Variants in ITPR1 observed in about 807,000 individuals in gnomAD.
The protein encoded by ITPR1 is inositol 1,4,5-trisphosphate receptor type 1, also known as inositol 1,4,5-trisphosphate-gated calcium channel ITPR1.
A neutral mutation model predicts 318.4 loss-of-function variants in ITPR1; 96 were observed. The ratio of observed to expected loss-of-function variants is 0.30; its 90% CI spans 0.26 to 0.36. The LOEUF is 0.36. Ranked by LOEUF, ITPR1 falls within the 10% of genes least tolerant of loss-of-function variation. The pLI, the probability that ITPR1 is intolerant of heterozygous loss-of-function variation, is 1.00. For missense variants in ITPR1, 2,440 were observed against 3,460.2 expected, an observed-to-expected ratio of 0.71 and a Z score of 7.40; for synonymous variants, 1,312 against 1,289.9, an observed-to-expected ratio of 1.02 and a Z score of -0.37.
intron 52 of ITPR1, among the ~76,000 whole-genome samples, chr3:4,788,836 A>G (rs935137288): frequency 1.3e-5 from 2 of 152,122 alleles, no homozygotes; most frequent in African/African-American, 4.8e-5. Flanking sequence ...CTATCTGTTC[A>G]TCAGGAGCCA....
intron 2 of ITPR1, among the ~76,000 whole-genome samples, chr3:4,508,982 A>C (rs2081600053): frequency 6.6e-6 from 1 of 152,230 alleles, no homozygotes; most frequent in African/African-American, 2.4e-5. Context: ...ACATTCATCA[A>C]GTAGAGGAAT....
chr3:4,650,819 A>AG (rs1216874295), intron 10 of ITPR1, among the ~76,000 whole-genome samples: 2 of 152,168 alleles, frequency 1.3e-5, no homozygotes, highest in African/African-American at 4.8e-5. Flanking sequence ...ATTGTCTGAC[A>AG]GGTCCTGCGT....
chr3:4,599,884 C>T (rs1321695458), intron 4 of ITPR1, among the ~76,000 whole-genome samples: 3 of 152,128 alleles, frequency 2.0e-5, no homozygotes, highest in Non-Finnish European at 2.9e-5. Context: ...TCAGTTTTGA[C>T]GTATGTATGA....
At chr3:4,641,116 T>A (rs7613276) in intron 6 of ITPR1, among the ~76,000 whole-genome samples, 124,188 of 152,172 alleles carry the variant, frequency 0.82, 51,468 homozygotes, top group East Asian at 1. Flanking sequence ...ATGGAGTCTT[T>A]TGCTGGTTGT....
rs147765006 is a variant in ITPR1 at position 4,534,407 on chromosome 3, C to G, written c.163+13313C>G. 1.4e-3 allele frequency among the ~76,000 whole-genome samples: 220 copies of G among 152,286 alleles called. 1 individual carries two copies. The highest frequency in any genetic ancestry group is 5.1e-3 in the African/African-American group (212 of 41,554). On this transcript the variant is annotated intron_variant, in intron 4 of 61. Coordinates refer to ENST00000649015, the MANE Select transcript of ITPR1 (RefSeq NM_001378452.1). ...TCCCCAAGGTGAGTGGTCAGCCTGG[C>G]TCTTACAGGAGGCAAAAATTGTGCT...
In ITPR1 at chr3:4,768,771, G is replaced by A. The variant is rs749872082; in HGVS notation, c.5979+7G>A. ...CCACAACCGAGACCTGCAGGTGAGG[G>A]CCTGGGGGTGGGGGCGTGGAGGGAG... is the stretch of plus-strand genomic sequence containing the variant. On this transcript the variant is annotated splice_region_variant and intron_variant, in intron 46 of 61. Coordinates refer to ENST00000649015, the MANE Select transcript of ITPR1 (RefSeq NM_001378452.1). 3.7e-6 allele frequency: 6 copies of A among 1,605,578 alleles called. No individual in the cohort carries two copies. Among genetic ancestry groups the A allele is most frequent in the South Asian group, 1.1e-5 (1 of 90,820 alleles).
intron 4 of ITPR1, among the ~76,000 whole-genome samples, chr3:4,598,879 C>T (rs950085507): frequency 2.6e-5 from 4 of 152,118 alleles, no homozygotes; most frequent in African/African-American, 7.2e-5. Context: ...ATCGTCAAAC[C>T]CACTGGGTGT....
intron 43 of ITPR1, 117 bp downstream of exon 43, chr3:4,733,337 A>G: frequency 8.2e-7 from 1 of 1,215,130 alleles, no homozygotes; most frequent in Non-Finnish European, 1.1e-6. Context: ...TTGCAGGTGT[A>G]TTTTTTAGCA....
At chr3:4,678,071 A>G (rs3804985) in intron 24 of ITPR1, among the ~76,000 whole-genome samples, 124,348 of 152,022 alleles carry the variant, frequency 0.82, 51,005 homozygotes, top group East Asian at 0.87. Context: ...CAACCCCAAC[A>G]GATGTAGTAG....
chr3:4,838,350 C>T (rs901144535), intron 61 of ITPR1, among the ~76,000 whole-genome samples: 2 of 149,612 alleles, frequency 1.3e-5, no homozygotes, highest in Non-Finnish European at 3.0e-5. Flanking sequence ...CGCCCCCCGC[C>T]GTGAAACATT....
intron 6 of ITPR1, among the ~76,000 whole-genome samples, chr3:4,640,528 C>T (rs936010574): frequency 6.6e-6 from 1 of 152,176 alleles, no homozygotes; most frequent in Admixed American, 6.5e-5. Flanking sequence ...GGCCAGTGCC[C>T]TGAAATTCAG....
chr3:4,700,883 C>T (rs1479154891), intron 35 of ITPR1, among the ~76,000 whole-genome samples: 1 of 152,146 alleles, frequency 6.6e-6, no homozygotes, highest in Non-Finnish European at 1.5e-5. Context: ...AGAACTTGTG[C>T]AGGGAAACTC....
chr3:4,604,386 C>G (rs185212185), intron 4 of ITPR1, among the ~76,000 whole-genome samples: 41 of 152,208 alleles, frequency 2.7e-4, no homozygotes, highest in African/African-American at 8.7e-4. Flanking sequence ...AAGCATGTCC[C>G]ATTCCTGAGG....
At chr3:4,530,021 T>A (rs2083285781) in intron 4 of ITPR1, among the ~76,000 whole-genome samples, 1 of 152,186 alleles carries the variant, frequency 6.6e-6, no homozygotes, top group Non-Finnish European at 1.5e-5. Context: ...CTAAACTGCC[T>A]TTAGAAGTGG....
At chr3:4,785,426 C>G (rs1377346644) in intron 51 of ITPR1, among the ~76,000 whole-genome samples, 1 of 152,232 alleles carries the variant, frequency 6.6e-6, no homozygotes, top group African/African-American at 2.4e-5. Context: ...AAAGAATGGA[C>G]AGACTCCTTT....
intron 4 of ITPR1, among the ~76,000 whole-genome samples, chr3:4,610,924 CCCTT>C (rs1321157766): frequency 1.1e-5 from 1 of 91,428 alleles, no homozygotes; most frequent in African/African-American, 4.5e-5. Flanking sequence ...TCCTTCCCTT[CCCTT>C]CCCTTCCCCT....
chr3:4,668,204 C>T (rs914573198), intron 18 of ITPR1, among the ~76,000 whole-genome samples: 16 of 148,818 alleles, frequency 1.1e-4, no homozygotes, highest in African/African-American at 3.7e-4. Flanking sequence ...AGGTCTTATT[C>T]GTTCTTTCTA....
Position 4,727,159 on chromosome 3 carries a change from G to A in ITPR1, c.5206G>A (p.Glu1736Lys), listed in dbSNP as rs770939009. 1 of 1,597,806 alleles carries A rather than the reference G, an allele frequency of 6.3e-7. No homozygotes were observed. Among genetic ancestry groups the A allele is most frequent in the Admixed American group, 1.7e-5 (1 of 59,904 alleles). ...LEPSPPLRQL[E>K]DHKRGEALRQ... is the part of the protein sequence containing the mutation. The stretch of plus-strand genomic sequence containing the variant: ...ACCAAGTCCACCCCTGCGGCAGCTG[G>A]AAGACCATAAAAGGGTACGTAGTCT... Residue 1736 changes from glutamate to lysine, a missense_variant, in exon 42 of 62, where the codon GAA (glutamate) becomes AAA (lysine). Around this residue, in one of 23 missense-constraint regions of ITPR1, gnomAD observed 166 missense variants for 143.7 expected, o/e 1.16. Transcript: ENST00000649015.
chr3:4,827,130 G>T (rs1449609420), intron 60 of ITPR1, among the ~76,000 whole-genome samples: 2 of 152,194 alleles, frequency 1.3e-5, no homozygotes, highest in Non-Finnish European at 2.9e-5. Context: ...TGGCAGATCT[G>T]ATAAGCTCCA....
Sources: allele counts gnomAD v4.1 joint callset (sites outside exome capture counted in the v4.1 genomes callset), GRCh38; gene constraint gnomAD v4.1.1; regional missense constraint gnomAD v4.1.1; transcripts MANE v1.5; gene names NCBI Gene and HGNC (gene_info 2026-07-23, HGNC 2026-07-21).